The following NHERF2 variants were observed in gnomAD, a reference collection of about 807,000 sequenced individuals.
NHERF2 encodes Na(+)/H(+) exchange regulatory cofactor NHE-RF2.
At chr16:2,027,219 G>GT in the NHERF2 span, 8 of 1,334,900 alleles carry the variant, frequency 6.0e-6, no homozygotes, top group African/African-American at 7.6e-5. Flanking sequence ...GCACCACCAG[G>GT]TGGGGGCCAG....
At chr16:2,037,025 A>C in the NHERF2 span, 3 of 1,548,748 alleles carry the variant, frequency 1.9e-6, no homozygotes, top group Admixed American at 5.9e-5. Flanking sequence ...CCCATGAGAC[A>C]CAGGGTGCCT....
chr16:2,038,221 CAGAGAG>C, the NHERF2 span: 11 of 567,942 alleles, frequency 1.9e-5, no homozygotes, highest in African/African-American at 7.6e-5. Flanking sequence ...GAGACAGAGA[CAGAGAG>C]AGAGAGAGAG....
At chr16:2,038,265 G>A in the NHERF2 span, 3 of 562,054 alleles carry the variant, frequency 5.3e-6, no homozygotes, top group South Asian at 1.9e-5. Flanking sequence ...GAGAGAGAGC[G>A]AGCGAGCGCG....
At chr16:2,037,107 C>T in the NHERF2 span, 5 of 1,289,606 alleles carry the variant, frequency 3.9e-6, no homozygotes, top group Non-Finnish European at 4.3e-6. Context: ...CTAGTGACAC[C>T]CGATTTTAGC....
At chr16:2,036,189 G>C in the NHERF2 span, 1 of 858,016 alleles carries the variant, frequency 1.2e-6, no homozygotes, top group South Asian at 1.8e-5. Flanking sequence ...GGTGCCCGGA[G>C]TGTTTGCCAC....
At chr16:2,031,122 C>T in the NHERF2 span, among the ~76,000 whole-genome samples, 4 of 152,278 alleles carry the variant, frequency 2.6e-5, no homozygotes, top group Non-Finnish European at 5.9e-5. Context: ...AGCTGGCTGC[C>T]CCTAGGAGCT....
chr16:2,026,988 C>CG, the NHERF2 span: 11 of 1,071,460 alleles, frequency 1.0e-5, no homozygotes, highest in African/African-American at 1.7e-4. Context: ...CGCGGGCGGC[C>CG]GGTGGGCAGC....
chr16:2,027,420 G>C, the NHERF2 span, among the ~76,000 whole-genome samples: 2 of 152,190 alleles, frequency 1.3e-5, no homozygotes, highest in African/African-American at 4.8e-5. Context: ...TCCTGGCAGG[G>C]AGGGGCCCGC....
At chr16:2,038,103 A>C in the NHERF2 span, 2 of 1,284,980 alleles carry the variant, frequency 1.6e-6, no homozygotes, top group Non-Finnish European at 2.2e-6. Flanking sequence ...TTGCCCAGAA[A>C]TCAGCCCCAG....
chr16:2,027,913 C>T, the NHERF2 span, among the ~76,000 whole-genome samples: 5 of 152,242 alleles, frequency 3.3e-5, no homozygotes, highest in Non-Finnish European at 4.4e-5. Context: ...CTGGCAACCA[C>T]ATTCCTTAGC....
the NHERF2 span, among the ~76,000 whole-genome samples, chr16:2,031,955 G>T: frequency 6.6e-6 from 1 of 151,812 alleles, no homozygotes; most frequent in Admixed American, 6.6e-5. Context: ...ACCTCCCAAA[G>T]TTCTGGGATT....
At chr16:2,038,455 T>TG in the NHERF2 span, 3 of 357,796 alleles carry the variant, frequency 8.4e-6, no homozygotes, top group Non-Finnish European at 1.6e-5. Flanking sequence ...TCTAAATAAT[T>TG]GCAATAAAAC....
the NHERF2 span, chr16:2,038,024 G>A: frequency 5.4e-4 from 869 of 1,606,738 alleles, 3 homozygotes; most frequent in South Asian, 1.5e-3. Flanking sequence ...GACCCCTCCC[G>A]CACGGACCTT....
At chr16:2,035,098 G>C in the NHERF2 span, among the ~76,000 whole-genome samples, 1 of 152,164 alleles carries the variant, frequency 6.6e-6, no homozygotes, top group African/African-American at 2.4e-5. Context: ...GCCATGCAGA[G>C]AGGGTTCAGA....
the NHERF2 span, chr16:2,029,437 G>T: frequency 1.5e-6 from 1 of 689,096 alleles, no homozygotes; most frequent in East Asian, 2.9e-5. Flanking sequence ...TGGGGGGCGG[G>T]GCCGGCAGGC....
the NHERF2 span, chr16:2,036,243 G>C: frequency 7.1e-7 from 1 of 1,404,552 alleles, no homozygotes; most frequent in East Asian, 2.5e-5. Flanking sequence ...CCGAGTTTGG[G>C]CAGTGGCGGC....
the NHERF2 span, chr16:2,037,631 C>A: frequency 6.2e-7 from 1 of 1,606,190 alleles, no homozygotes; most frequent in Non-Finnish European, 8.5e-7. Context: ...TGAGCTCACA[C>A]GTGGGGTTGC....
chr16:2,033,993 G>C, the NHERF2 span, among the ~76,000 whole-genome samples: 1 of 152,182 alleles, frequency 6.6e-6, no homozygotes, highest in South Asian at 2.1e-4. Context: ...GCTGCTTCTG[G>C]ACAGAGGCAG....
the NHERF2 span, chr16:2,029,443 C>G: frequency 1.3e-6 from 1 of 755,266 alleles, no homozygotes; most frequent in South Asian, 1.7e-5. Flanking sequence ...GCGGGGCCGG[C>G]AGGCCTCTTG....
Sources: gnomAD v4.1 joint callset for allele counts (sites outside exome capture counted in the v4.1 genomes callset) on GRCh38, gnomAD v4.1.1 for gene constraint, MANE v1.5 for transcripts, NCBI Gene and HGNC (gene_info 2026-07-23, HGNC 2026-07-21) for gene names.